The following RERE variants were observed in gnomAD, a reference collection of about 807,000 sequenced individuals.
RERE encodes arginine-glutamic acid dipeptide repeats protein.
A neutral mutation model predicts 146.1 loss-of-function variants in RERE; 40 were observed. The ratio of observed to expected loss-of-function variants is 0.27; its 90% CI spans 0.21 to 0.36. The LOEUF (loss-of-function observed/expected upper bound fraction) is 0.36. RERE is among the 10% of genes least tolerant of loss of function. The pLI is 1.00. For missense variants in RERE, 1,933 were observed against 2,138.7 expected (o/e 0.90, Z 1.90); for synonymous variants, 1,003 against 866.0 (o/e 1.16, Z -2.78).
chr1:8,460,279 A>G (rs547534977), intron 11 of RERE, among the ~76,000 whole-genome samples: 84 of 152,346 alleles, frequency 5.5e-4, no homozygotes, highest in African/African-American at 1.9e-3. Flanking sequence ...CAAAAAGGGC[A>G]TAACAAAGGC....
chr1:8,534,248 G>A (rs913913023), intron 7 of RERE, among the ~76,000 whole-genome samples: 1 of 152,054 alleles, frequency 6.6e-6, no homozygotes, highest in Non-Finnish European at 1.5e-5. Flanking sequence ...GAAAAAAATG[G>A]TCCCAAGGTC....
chr1:8,558,089 G>A (rs1317618703), intron 4 of RERE, among the ~76,000 whole-genome samples: 2 of 152,182 alleles, frequency 1.3e-5, no homozygotes, highest in African/African-American at 4.8e-5. Flanking sequence ...CGAAGAATGG[G>A]TGGTGATGAA....
intron 12 of RERE, among the ~76,000 whole-genome samples, chr1:8,370,420 A>C (rs1641992730): frequency 6.6e-6 from 1 of 152,244 alleles, no homozygotes. Context: ...TCACTGACAC[A>C]AATGTATACA....
chr1:8,623,461 A>AACG, intron 3 of RERE, among the ~76,000 whole-genome samples: 1 of 152,066 alleles, frequency 6.6e-6, no homozygotes. Context: ...AAACAACAAC[A>AACG]ATGACAAATA....
At chr1:8,778,699 G>A (rs758513868) in intron 1 of RERE, among the ~76,000 whole-genome samples, 1 of 152,018 alleles carries the variant, frequency 6.6e-6, no homozygotes, top group Non-Finnish European at 1.5e-5. Flanking sequence ...ACTCAGTTGT[G>A]GTGGCATGTG....
chr1:8,536,808 A>G (rs1645732656), intron 7 of RERE, among the ~76,000 whole-genome samples: 1 of 152,260 alleles, frequency 6.6e-6, no homozygotes, highest in African/African-American at 2.4e-5. Flanking sequence ...GTTCAAAGTC[A>G]GGTCAACATT....
At chr1:8,475,532 A>C (rs1422542111) in intron 10 of RERE, among the ~76,000 whole-genome samples, 1 of 151,686 alleles carries the variant, frequency 6.6e-6, no homozygotes, top group East Asian at 1.9e-4. Flanking sequence ...AAATACAAAA[A>C]TTAGCCGGGC....
intron 3 of RERE, among the ~76,000 whole-genome samples, chr1:8,616,695 T>G (rs970408365): frequency 1.8e-4 from 28 of 152,112 alleles, no homozygotes; most frequent in African/African-American, 6.8e-4. Context: ...TTTCTTAGAG[T>G]CCCTTGACCC....
At chr1:8,429,172 T>G (rs1343428395) in intron 11 of RERE, among the ~76,000 whole-genome samples, 3 of 152,198 alleles carry the variant, frequency 2.0e-5, no homozygotes, top group African/African-American at 7.2e-5. Context: ...AACAACCTTA[T>G]GAGGCAGAGG....
chr1:8,456,514 T>C (rs1644455138), intron 11 of RERE, among the ~76,000 whole-genome samples: 1 of 151,968 alleles, frequency 6.6e-6, no homozygotes, highest in Admixed American at 6.6e-5. Context: ...TGACTCAGAG[T>C]CCTACATAAC....
chr1:8,444,149 G>A (rs990716673), intron 11 of RERE, among the ~76,000 whole-genome samples: 4 of 152,218 alleles, frequency 2.6e-5, no homozygotes, highest in Non-Finnish European at 5.9e-5. Context: ...GCTGAACCCT[G>A]CAAAGCCACA....
chr1:8,710,354 G>C (rs1187258426), intron 1 of RERE, among the ~76,000 whole-genome samples: 1 of 152,116 alleles, frequency 6.6e-6, no homozygotes, highest in African/African-American at 2.4e-5. Context: ...AATAACATCA[G>C]ATTATAAAAA....
intron 3 of RERE, among the ~76,000 whole-genome samples, chr1:8,616,498 T>C (rs1427902946): frequency 1.3e-5 from 2 of 152,202 alleles, no homozygotes; most frequent in African/African-American, 2.4e-5. Context: ...TTTACCAATA[T>C]TCTTGCACAG....
chr1:8,503,085 T>TAAAAAAAA (rs1380278514), intron 8 of RERE, among the ~76,000 whole-genome samples: 14 of 124,984 alleles, frequency 1.1e-4, no homozygotes, highest in African/African-American at 4.3e-4. Flanking sequence ...AATGATCAAT[T>TAAAAAAAA]AAAAATAAAT....
chr1:8,452,569 A>T lies in RERE; in HGVS notation c.1203+13356T>A, dbSNP rs546427305. Among the ~76,000 whole-genome samples the T allele has an allele frequency of 1.1e-3, 170 of 150,472 alleles. 4 individuals carry two copies. In the South Asian group the frequency reaches 0.034, roughly 30 times the overall value. ...TTGTTTCCAAAAAACTAAGCCAAATAAAAAAAAAGTCACTTGAATAATAGA... is the reference window on the plus strand; with the variant it reads ...TTGTTTCCAAAAAACTAAGCCAAATTAAAAAAAAGTCACTTGAATAATAGA... On this transcript the variant is annotated intron_variant, in intron 11 of 22. Transcript: ENST00000400908.
rs902586544 is a variant in RERE at position 8,555,409 on chromosome 1, G to A, written c.725+1066C>T. Among the ~76,000 whole-genome samples, 4 of 152,240 alleles carry A rather than the reference G, an allele frequency of 2.6e-5. No homozygotes were observed. The East Asian group carries it at 5.8e-4, about 22-fold the overall frequency. On this transcript the variant is annotated intron_variant, in intron 6 of 22. Transcript: ENST00000400908. The stretch of plus-strand genomic sequence containing the variant: ...AAACATCAGCTGACCCGAAAAGCTT[G>A]CCAAAGCCTGCCCTAAAGTTGCTAC...
Position 8,359,862 on chromosome 1 carries a change from C to G in RERE, c.3520G>C (p.Ala1174Pro). The G allele has an allele frequency of 6.2e-7, 1 of 1,612,258 alleles. No individual in the cohort carries two copies. The highest frequency in any genetic ancestry group is 1.3e-5 in the African/African-American group (1 of 75,074). Residue 1174 changes from alanine (A) to proline (P), a missense_variant, in exon 19 of 23, where the codon GCT (alanine) becomes CCT (proline). By Grantham distance (27) the Ala-to-Pro change is conservative (BLOSUM62 -1). Transcript: ENST00000400908. ...CGCTCCTCTCGGGCTTTCTGCTCAG[C>G]CTCGCGCTTGGCCTTCTCAATGGCC... ...EEAIEKAKRE[A>P]EQKAREERER...
chr1:8,650,852 G>A (rs1647588918), intron 2 of RERE, among the ~76,000 whole-genome samples: 1 of 144,554 alleles, frequency 6.9e-6, no homozygotes, highest in African/African-American at 2.6e-5. Context: ...AGCCGAGATC[G>A]CACCACTGCC....
At chr1:8,472,539 A>C (rs2124152862) in intron 10 of RERE, among the ~76,000 whole-genome samples, 1 of 152,400 alleles carries the variant, frequency 6.6e-6, no homozygotes, top group Admixed American at 6.5e-5. Flanking sequence ...TTGTAGCCAC[A>C]GAAAAGCAAT....
Sources: gnomAD v4.1 joint callset for allele counts (sites outside exome capture counted in the v4.1 genomes callset) on GRCh38, gnomAD v4.1.1 for gene constraint, MANE v1.5 for transcripts, NCBI Gene and HGNC (gene_info 2026-07-23, HGNC 2026-07-21) for gene names.